The following RTN4 variants were observed in gnomAD, a reference collection of about 807,000 sequenced individuals.
RTN4 encodes the protein reticulon 4.
RTN4 carries 32 observed loss-of-function variants against 90.4 expected under a neutral mutation model. The ratio of observed to expected loss-of-function variants is 0.35; its 90% confidence interval spans 0.27 to 0.48. RTN4 has a LOEUF of 0.48. RTN4 is among the 20% of genes least tolerant of loss of function. RTN4 has a pLI of 0.99. For synonymous variants in RTN4, 629 were observed against 552.5 expected (o/e 1.14, Z -1.94); for missense variants, 1,706 against 1,430.2 (o/e 1.19, Z -3.11).
At chr2:55,052,939 T>G (rs1405455207), upstream of RTN4, among the ~76,000 whole-genome samples, 3 of 152,218 alleles carry the variant, frequency 2.0e-5, no homozygotes, top group Non-Finnish European at 4.4e-5. Flanking sequence ...ATGATATTTC[T>G]GCATTCATAT....
At chr2:55,112,579 C>G (rs1439781626) in exon 1 of RTN4, 1 of 152,292 alleles carries the variant, frequency 6.6e-6, no homozygotes, top group Non-Finnish European at 1.5e-5. Context: ...GAGCCTGGAG[C>G]CGGGCTGCCT....
intron 3 of RTN4, among the ~76,000 whole-genome samples, chr2:55,001,796 G>A (rs1472082893): frequency 1.3e-5 from 2 of 152,054 alleles, no homozygotes; most frequent in Admixed American, 6.5e-5. Flanking sequence ...AACATTTTTT[G>A]TAAAGGGACA....
Position 55,027,100 on chromosome 2 carries a change from C to G in RTN4, c.999G>C (p.Lys333Asn). 6.2e-7 allele frequency: 1 copy of G among 1,611,988 alleles called. No individual in the cohort carries two copies. Among genetic ancestry groups the G allele is most frequent in the Non-Finnish European group, 8.5e-7 (1 of 1,178,646 alleles). Residue 333 changes from lysine to asparagine, a missense_variant, in exon 3 of 9, where the codon AAG becomes AAC. By Grantham distance (94) the Lys-to-Asn change is moderately conservative. Coordinates refer to ENST00000337526, the MANE Select transcript of RTN4 (RefSeq NM_020532.5). ...TATGAAGGATGTTATTACTAACTAA[C>G]TTCTCTTCTTCATCTTTATTTTTCA... ...IIVKNKDEEE[K>N]LVSNNILHNQ...
chr2:55,053,970 A>G (rs192509550), upstream of RTN4, among the ~76,000 whole-genome samples: 1 of 152,304 alleles, frequency 6.6e-6, no homozygotes, highest in Admixed American at 6.5e-5. Flanking sequence ...AAGACTGGAG[A>G]GAAGGAGAAG....
At position 54,973,875 on chromosome 2, in the gene RTN4, G is replaced by C; in HGVS notation, c.3431-8C>G. On this transcript the variant is annotated splice_polypyrimidine_tract_variant and splice_region_variant and intron_variant, in intron 6 of 8. Coordinates refer to ENST00000337526, the MANE Select transcript of RTN4 (RefSeq NM_020532.5). The stretch of plus-strand genomic sequence containing the variant: ...TGAAGAGTGAAATGAGAGCTGAAAA[G>C]GGAAATATACAACTTTTCAAAAAGA... 3 of 1,610,368 alleles carry C rather than the reference G, an allele frequency of 1.9e-6. No individual in the cohort carries two copies. Among genetic ancestry groups the C allele is most frequent in the Non-Finnish European group, 1.7e-6 (2 of 1,178,238 alleles).
intron 2 of RTN4, among the ~76,000 whole-genome samples, chr2:55,071,633 G>A (rs976264106): frequency 3.3e-5 from 5 of 151,262 alleles, no homozygotes; most frequent in African/African-American, 1.2e-4. Flanking sequence ...TGCTGCAGGC[G>A]ATCACTGACT....
intron 3 of RTN4, among the ~76,000 whole-genome samples, chr2:55,012,322 A>C (rs1680703576): frequency 6.6e-6 from 1 of 152,192 alleles, no homozygotes; most frequent in African/African-American, 2.4e-5. Context: ...TTAAAAAGTC[A>C]AAATAGGAGC....
chr2:55,007,383 C>A lies in RTN4; in HGVS notation c.3013+17703G>T, dbSNP rs1290008169. ...CCCTAAACCAACTGCTATCATTTAC[C>A]ATTCCCTACTTTAAAACTTCCAAAT... is the stretch of plus-strand genomic sequence containing the variant. On this transcript the variant is annotated intron_variant, in intron 3 of 8. Transcript: ENST00000337526. 2.6e-5 allele frequency among the ~76,000 whole-genome samples: 4 copies of A among 152,222 alleles called. No individual in the cohort carries two copies. In the East Asian group the frequency reaches 7.7e-4, roughly 29 times the overall value.
At chr2:54,978,579 CTA>C (rs1558756255) in intron 5 of RTN4, among the ~76,000 whole-genome samples, 1 of 151,686 alleles carries the variant, frequency 6.6e-6, no homozygotes. Context: ...TGTTTAAAAA[CTA>C]TTATTTTGTA....
chr2:55,021,844 A>AAT (rs1231553961), intron 3 of RTN4, among the ~76,000 whole-genome samples: 2 of 152,136 alleles, frequency 1.3e-5, no homozygotes, highest in Non-Finnish European at 2.9e-5. Flanking sequence ...ACTTTTGTAG[A>AAT]ATATATATAT....
intron 3 of RTN4, among the ~76,000 whole-genome samples, chr2:54,999,239 TC>T (rs1484172042): frequency 6.6e-6 from 1 of 152,316 alleles, no homozygotes; most frequent in East Asian, 1.9e-4. Context: ...TACACTTAAA[TC>T]TTTTCTTTAA....
intron 1 of RTN4, among the ~76,000 whole-genome samples, chr2:55,104,677 T>C (rs1417241119): frequency 6.6e-6 from 1 of 152,098 alleles, no homozygotes; most frequent in East Asian, 1.9e-4. Flanking sequence ...AGGGCAGCTC[T>C]GAATGAAGAG....
At chr2:55,024,879 T>C (rs772962165) in intron 3 of RTN4, among the ~76,000 whole-genome samples, 11 of 152,168 alleles carry the variant, frequency 7.2e-5, no homozygotes, top group Non-Finnish European at 1.5e-4. Flanking sequence ...TATAAAAGTG[T>C]AACTGTGTGG....
At chr2:55,024,997 A>T in intron 3 of RTN4, 89 bp downstream of exon 3, 4 of 1,445,774 alleles carry the variant, frequency 2.8e-6, no homozygotes, top group Non-Finnish European at 3.7e-6. Context: ...GAGACACTAT[A>T]AACATAATAT....
At chr2:55,100,238 A>C (rs1420945417) in intron 1 of RTN4, among the ~76,000 whole-genome samples, 1 of 152,172 alleles carries the variant, frequency 6.6e-6, no homozygotes, top group East Asian at 1.9e-4. Flanking sequence ...CCCACTACGG[A>C]GTTAAGGTCT....
upstream of RTN4, among the ~76,000 whole-genome samples, chr2:55,051,205 T>C (rs563993431): frequency 3.3e-5 from 5 of 152,294 alleles, no homozygotes; most frequent in African/African-American, 1.2e-4. Context: ...CATTTGAAAG[T>C]CTGCTCTTCT....
At chr2:55,104,769 T>C (rs966943869) in intron 1 of RTN4, among the ~76,000 whole-genome samples, 2 of 152,160 alleles carry the variant, frequency 1.3e-5, no homozygotes, top group Middle Eastern at 3.4e-3. Context: ...AGATTAATAA[T>C]GAGAAGTAGT....
At chr2:55,077,938 C>T (rs1171053504) in intron 2 of RTN4, among the ~76,000 whole-genome samples, 1 of 151,772 alleles carries the variant, frequency 6.6e-6, no homozygotes, top group African/African-American at 2.4e-5. Flanking sequence ...CGTTCTCACT[C>T]ACAAGTGGGA....
At chr2:55,018,367 A>G (rs866733572) in intron 3 of RTN4, among the ~76,000 whole-genome samples, 2 of 152,202 alleles carry the variant, frequency 1.3e-5, no homozygotes, top group South Asian at 4.1e-4. Flanking sequence ...TTGTATTTCA[A>G]ATGAATATCA....
Sources: gnomAD v4.1 joint callset for allele counts (sites outside exome capture counted in the v4.1 genomes callset) on GRCh38, gnomAD v4.1.1 for gene constraint, MANE v1.5 for transcripts, NCBI Gene and HGNC (gene_info 2026-07-23, HGNC 2026-07-21) for gene names.